DNAJB6: variants seen among roughly 807,000 people sequenced by gnomAD.
DNAJB6 encodes the protein DnaJ heat shock protein family (Hsp40) member B6, also known as dnaJ homolog subfamily B member 6.
A neutral mutation model predicts 42.7 loss-of-function variants in DNAJB6; 16 were observed. The observed-to-expected ratio is 0.37, with a 90% confidence interval of 0.25 to 0.57. The LOEUF (loss-of-function observed/expected upper bound fraction) is 0.57. DNAJB6 is among the 20% of genes least tolerant of loss of function. DNAJB6 has a pLI of 0.74. For synonymous variants in DNAJB6, 170 were observed against 163.5 expected (o/e 1.04, Z -0.30); for missense variants, 347 against 416.8 (o/e 0.83, Z 1.46).
Position 157,357,280 on chromosome 7 carries a change from T to TTCCG in DNAJB6, c.-26-1264_-26-1263insGTCC, listed in dbSNP as rs1183515007. Reference sequence around the variant, plus strand: ...CTTCCTTCCGTCCTTCCTTCCGTCCTTCCTTCCGTCCTTCCTTCCTTCCTT... The same window carrying TTCCG: ...CTTCCTTCCGTCCTTCCTTCCGTCCTTCCGTCCTTCCGTCCTTCCTTCCTTCCTT... On this transcript the variant is annotated intron_variant, in intron 1 of 9. Coordinates refer to ENST00000262177, the MANE Select transcript of DNAJB6 (RefSeq NM_058246.4). Among the ~76,000 whole-genome samples the TTCCG allele has an allele frequency of 4.8e-5, 3 of 61,938 alleles. 1 individual carries two copies. Among genetic ancestry groups the TTCCG allele is most frequent in the Non-Finnish European group, 3.3e-5 (1 of 30,670 alleles). The allele number at this position is 61,938 out of a possible 152,430, so 40.6% of individuals were successfully genotyped here.
intron 1 of DNAJB6, among the ~76,000 whole-genome samples, chr7:157,338,815 G>T (rs1208404166): frequency 6.6e-6 from 1 of 152,214 alleles, no homozygotes; most frequent in East Asian, 1.9e-4. Context: ...TAAGTTGGTA[G>T]ATGTGGAGAT....
chr7:157,342,303 G>A (rs1364828141), intron 1 of DNAJB6, among the ~76,000 whole-genome samples: 1 of 148,920 alleles, frequency 6.7e-6, no homozygotes, highest in East Asian at 2.0e-4. Flanking sequence ...GAGTAGCTGG[G>A]ATTACAGGCA....
At chr7:157,388,351 C>T (rs150466428) in intron 8 of DNAJB6, among the ~76,000 whole-genome samples, 98 of 152,324 alleles carry the variant, frequency 6.4e-4, no homozygotes, top group Middle Eastern at 3.4e-3. Flanking sequence ...TTGATACCAT[C>T]ACTCAAGTAA....
chr7:157,398,441 C>T (rs1029369041), intron 8 of DNAJB6, among the ~76,000 whole-genome samples: 3 of 152,328 alleles, frequency 2.0e-5, no homozygotes, highest in Non-Finnish European at 4.4e-5. Context: ...TTGGGAAAAG[C>T]GTGTTTTTAT....
chr7:157,348,497 C>A (rs1798801684), intron 1 of DNAJB6, among the ~76,000 whole-genome samples: 1 of 152,160 alleles, frequency 6.6e-6, no homozygotes. Flanking sequence ...GTTTTCTTGC[C>A]TTGGAGAAGG....
chr7:157,381,580 G>C (rs1215269153), intron 5 of DNAJB6: 2 of 152,160 alleles, frequency 1.3e-5, no homozygotes, highest in Non-Finnish European at 2.9e-5. Flanking sequence ...TTTCTGTTGA[G>C]ACATCTTCAA....
At chr7:157,368,526 T>C (rs370424245) in intron 5 of DNAJB6, 3 of 152,444 alleles carry the variant, frequency 2.0e-5, no homozygotes, top group Non-Finnish European at 4.4e-5. Flanking sequence ...AGTGCTGTTA[T>C]AGCTGCTGTT....
chr7:157,382,723 T>G lies in DNAJB6; in HGVS notation c.478+346T>G, dbSNP rs541415123. 555 of 161,784 alleles carry G rather than the reference T, an allele frequency of 3.4e-3. 1 individual carries two copies. Among genetic ancestry groups the G allele is most frequent in the Non-Finnish European group, 6.1e-3 (453 of 74,522 alleles). 10.0% of individuals were successfully genotyped at this position (161,784 alleles called of 1,614,324 possible). A position where few individuals can be genotyped will look rare whatever the true frequency, so the allele number is the denominator to read the frequency against. ...TAACCTTCATGCTGTCTAACCTCCT[T>G]TGTAGTTAAAACAAAAGTGCACAAA... On this transcript the variant is annotated intron_variant, in intron 6 of 9. Coordinates refer to ENST00000262177, the MANE Select transcript of DNAJB6 (RefSeq NM_058246.4).
intron 1 of DNAJB6, among the ~76,000 whole-genome samples, chr7:157,353,617 G>GTGTGTA (rs1554453979): frequency 4.7e-5 from 7 of 149,806 alleles, no homozygotes; most frequent in Admixed American, 2.0e-4. Flanking sequence ...GTGTGTGTGT[G>GTGTGTA]TGTGTATGTA....
chr7:157,357,699 C>T (rs375823733), intron 1 of DNAJB6, among the ~76,000 whole-genome samples: 2 of 152,116 alleles, frequency 1.3e-5, no homozygotes, highest in African/African-American at 4.8e-5. Flanking sequence ...CATCTTAAAG[C>T]AGCAGTGTGC....
At chr7:157,369,907 A>G (rs998674897) in intron 5 of DNAJB6, among the ~76,000 whole-genome samples, 2 of 150,662 alleles carry the variant, frequency 1.3e-5, no homozygotes, top group Admixed American at 6.6e-5. Context: ...TTATTATTAA[A>G]CAGGCCCCTT....
At chr7:157,369,198 A>C in intron 5 of DNAJB6, 1 of 443,834 alleles carries the variant, frequency 2.3e-6, no homozygotes, top group South Asian at 1.6e-5. Flanking sequence ...CATCAGCAGA[A>C]ACAGAGCTCA....
intron 8 of DNAJB6, among the ~76,000 whole-genome samples, chr7:157,390,776 T>TG (rs1315517009): frequency 6.6e-6 from 1 of 152,140 alleles, no homozygotes; most frequent in Non-Finnish European, 1.5e-5. Flanking sequence ...TAATGGCGTG[T>TG]GGGGGAGATG....
chr7:157,383,611 T>TTGTGTGTGTGTGTGTGTGTGTG (rs57002445), intron 6 of DNAJB6, among the ~76,000 whole-genome samples: 3 of 149,570 alleles, frequency 2.0e-5, no homozygotes, highest in African/African-American at 7.4e-5. Context: ...GTATGTGTGT[T>TTGTGTGTGTGTGTGTGTGTGTG]TGTGTGTGTG....
intron 1 of DNAJB6, among the ~76,000 whole-genome samples, chr7:157,350,216 G>T (rs1379804378): frequency 1.3e-5 from 2 of 152,170 alleles, no homozygotes; most frequent in African/African-American, 4.8e-5. Flanking sequence ...TGGACTGGGG[G>T]CACTAAGACA....
At chr7:157,404,522 T>C (rs1235044298) in intron 8 of DNAJB6, among the ~76,000 whole-genome samples, 6 of 148,136 alleles carry the variant, frequency 4.1e-5, no homozygotes, top group Admixed American at 3.3e-4. Flanking sequence ...TTTTCTTTTT[T>C]TTTTTTGGTA....
intron 8 of DNAJB6, among the ~76,000 whole-genome samples, chr7:157,387,090 C>T (rs1801102767): frequency 2.0e-5 from 3 of 152,210 alleles, no homozygotes; most frequent in Admixed American, 2.0e-4. Context: ...GTAGCGTGTT[C>T]CATCCGTGCT....
chr7:157,409,740 GGGGGCCGGCCGCCGC>G, intron 8 of DNAJB6, 40 bp from the exon 9 acceptor site: 1 of 1,470,324 alleles, frequency 6.8e-7, no homozygotes, highest in Non-Finnish European at 9.0e-7. Context: ...TGCTCTGGAT[GGGGGCCGGCCGCCGC>G]CGCTCACTCA....
intron 5 of DNAJB6, among the ~76,000 whole-genome samples, chr7:157,369,865 C>A (rs9691430): frequency 0.71 from 80,578 of 112,894 alleles, 28,141 homozygotes; most frequent in Middle Eastern, 0.78. Flanking sequence ...GCCCCTTCTT[C>A]ACATTATTAT....
Sources: allele counts gnomAD v4.1 joint callset (sites outside exome capture counted in the v4.1 genomes callset), GRCh38; gene constraint gnomAD v4.1.1; transcripts MANE v1.5; gene names NCBI Gene and HGNC (gene_info 2026-07-23, HGNC 2026-07-21).